MEIOB: variants seen among roughly 807,000 people sequenced by gnomAD.
MEIOB encodes the protein meiosis-specific with OB domain-containing protein.
Under a neutral mutation model 53.1 loss-of-function variants are expected in MEIOB, and 50 were observed. The observed-to-expected ratio is 0.94, with a 90% confidence interval of 0.75 to 1.19. MEIOB has a LOEUF of 1.19. Ranked by LOEUF, MEIOB falls within the 50% of genes most tolerant of loss-of-function variation. The pLI is 0.00. For missense variants in MEIOB, 551 were observed against 550.8 expected (o/e 1.00, Z 0.00); for synonymous variants, 192 against 182.5 (o/e 1.05, Z -0.42).
chr16:1,857,316 C>T (rs1393437869), intron 6 of MEIOB, among the ~76,000 whole-genome samples: 2 of 152,182 alleles, frequency 1.3e-5, no homozygotes, highest in Non-Finnish European at 2.9e-5. Context: ...ATTCCCACTC[C>T]CTCCCTGGTT....
In MEIOB at chr16:1,842,218, A is replaced by G. The variant is rs189281962; in HGVS notation, c.881-245T>C. On this transcript the variant is annotated intron_variant, in intron 10 of 13. Coordinates refer to ENST00000325962, the MANE Select transcript of MEIOB (RefSeq NM_001163560.3). The stretch of plus-strand genomic sequence containing the variant: ...CTGTTCATCAAAAGACACCATTAAA[A>G]AGTGAAAAGGCAAGCCACAGAGTGG... 2.6e-5 allele frequency among the ~76,000 whole-genome samples: 4 copies of G among 152,298 alleles called. No individual in the cohort carries two copies. In the East Asian group the frequency reaches 7.7e-4, roughly 29 times the overall value.
chr16:1,846,263 C>T (rs941283999), intron 9 of MEIOB, among the ~76,000 whole-genome samples: 1 of 152,154 alleles, frequency 6.6e-6, no homozygotes, highest in Non-Finnish European at 1.5e-5. Context: ...AGAAATCCAG[C>T]CAATGAGCTT....
At chr16:1,863,541 C>T (rs1371819062) in intron 3 of MEIOB, among the ~76,000 whole-genome samples, 1 of 151,822 alleles carries the variant, frequency 6.6e-6, no homozygotes, top group Non-Finnish European at 1.5e-5. Flanking sequence ...CGCCTGCCAC[C>T]ATGCCTGGCT....
At chr16:1,858,817 T>C (rs1008237051) in intron 5 of MEIOB, among the ~76,000 whole-genome samples, 6 of 152,226 alleles carry the variant, frequency 3.9e-5, no homozygotes, top group African/African-American at 1.4e-4. Flanking sequence ...CAGTTTCATA[T>C]GGCTCAAACT....
intron 4 of MEIOB, 98 bp downstream of exon 4, chr16:1,861,887 A>C: frequency 8.1e-7 from 1 of 1,228,264 alleles, no homozygotes. Context: ...GAGAATTACG[A>C]ACTGTGTCTC....
intron 13 of MEIOB, among the ~76,000 whole-genome samples, chr16:1,834,764 T>G (rs772705622): frequency 1.3e-5 from 2 of 150,484 alleles, no homozygotes; most frequent in Non-Finnish European, 3.0e-5. Context: ...GAAACTCCCA[T>G]TTCTACTAAA....
intron 10 of MEIOB, chr16:1,843,552 G>A (rs1246247935): frequency 1.3e-5 from 2 of 151,960 alleles, no homozygotes; most frequent in South Asian, 2.1e-4. Context: ...TAAAAAATTA[G>A]CTGGGTGTAG....
chr16:1,854,550 C>A (rs1336059112), intron 6 of MEIOB, among the ~76,000 whole-genome samples: 2 of 152,190 alleles, frequency 1.3e-5, no homozygotes, highest in African/African-American at 4.8e-5. Flanking sequence ...ACCTTTGTAT[C>A]CCCATGGCTC....
chr16:1,857,677 C>G, intron 6 of MEIOB, 58 bp downstream of exon 6: 1 of 1,370,114 alleles, frequency 7.3e-7, no homozygotes, highest in Non-Finnish European at 1.0e-6. Context: ...AAACACAGAT[C>G]AAGTGACTGC....
rs1175911238 is a variant in MEIOB at position 1,834,932 on chromosome 16, TC to T, written c.1306-567del. The stretch of plus-strand genomic sequence containing the variant: ...CTTGGGCAACTAGAGCGAAACTCTG[TC>T]CCCCCCACCCCCCCCCACTAAAAAA... On this transcript the variant is annotated intron_variant, in intron 13 of 13. Transcript: ENST00000325962. 2.2e-3 allele frequency among the ~76,000 whole-genome samples: 231 copies of T among 106,308 alleles called. 1 individual carries two copies. The highest frequency in any genetic ancestry group is 7.2e-3 in the African/African-American group (205 of 28,482). 69.7% of individuals were successfully genotyped at this position (106,308 alleles called of 152,430 possible).
Position 1,857,785 on chromosome 16 carries a change from C to A in MEIOB, c.478G>T (p.Gly160Ter), listed in dbSNP as rs1188973252. The A allele has an allele frequency of 1.3e-6, 2 of 1,551,806 alleles. No individual in the cohort carries two copies. The highest frequency in any genetic ancestry group is 1.7e-6 in the Non-Finnish European group (2 of 1,147,022). Residue 160 changes from glycine to a stop codon, truncating the protein, a stop_gained, in exon 6 of 14, where the codon GGA (glycine) becomes TGA (stop). Coordinates refer to ENST00000325962, the MANE Select transcript of MEIOB (RefSeq NM_001163560.3). LOFTEE classifies it high-confidence loss of function. ...ATAATCCTCCCATTAAGACTGTGTC[C>A]ATTTGCAACAATGTCACCCAGTGAA... is the stretch of plus-strand genomic sequence containing the variant. ...YYSLGDIVAN[G>*]HSLNGRIINV... is the part of the protein sequence containing the mutation.
In MEIOB at chr16:1,841,739, A is replaced by G. The variant is rs1459686165; in HGVS notation, c.1034+81T>C. 3.9e-5 allele frequency: 43 copies of G among 1,095,348 alleles called. No homozygotes were observed. In the South Asian group the frequency reaches 1.0e-3, roughly 26 times the overall value. The allele number at this position is 1,095,348 out of a possible 1,614,324, so 67.9% of individuals were successfully genotyped here. ...CCCTGTTACATCAACAAACAGCTTT[A>G]ACTTTTAGAGAGCTTAAAATTTATT... On this transcript the variant is annotated intron_variant, in intron 11 of 13. Coordinates refer to ENST00000325962, the MANE Select transcript of MEIOB (RefSeq NM_001163560.3).
At position 1,834,244 on chromosome 16, in the gene MEIOB, T is replaced by C; in HGVS notation, c.*12A>G. On this transcript the variant is annotated 3_prime_UTR_variant, in exon 14 of 14. Transcript: ENST00000325962. ...TCTTATACTTTTCCAGAGTTCAAAATGATAGACCGTTTTAAACATGTTTTT... is the reference window on the plus strand; with the variant it reads ...TCTTATACTTTTCCAGAGTTCAAAACGATAGACCGTTTTAAACATGTTTTT... 2 of 1,467,260 alleles carry C rather than the reference T, an allele frequency of 1.4e-6. No homozygotes were observed. Among genetic ancestry groups the C allele is most frequent in the Non-Finnish European group, 1.9e-6 (2 of 1,052,240 alleles). The allele number at this position is 1,467,260 out of a possible 1,614,324, so 90.9% of individuals were successfully genotyped here. A position where few individuals can be genotyped will look rare whatever the true frequency, so the allele number is the denominator to read the frequency against.
At chr16:1,834,943 C>A (rs911184110) in intron 13 of MEIOB, among the ~76,000 whole-genome samples, 1 of 95,664 alleles carries the variant, frequency 1.0e-5, no homozygotes, top group Admixed American at 1.1e-4. Flanking sequence ...CCCCCCCACC[C>A]CCCCCCACTA....
Position 1,834,222 on chromosome 16 carries a change from T to A in MEIOB, c.*34A>T, listed in dbSNP as rs760092071. 4 of 1,162,926 alleles carry A rather than the reference T, an allele frequency of 3.4e-6. No homozygotes were observed. In the Admixed American group the frequency reaches 5.7e-5, roughly 17 times the overall value. The allele number at this position is 1,162,926 out of a possible 1,614,324, so 72.0% of individuals were successfully genotyped here. A position where few individuals can be genotyped will look rare whatever the true frequency, so the allele number is the denominator to read the frequency against. ...CCATTTTAAAGGGAGTTAAAACTCT[T>A]ATACTTTTCCAGAGTTCAAAATGAT... On this transcript the variant is annotated 3_prime_UTR_variant, in exon 14 of 14. Transcript: ENST00000325962.
At chr16:1,837,115 G>T (rs145589789) in intron 13 of MEIOB, among the ~76,000 whole-genome samples, 3 of 151,990 alleles carry the variant, frequency 2.0e-5, no homozygotes, top group East Asian at 1.9e-4. Flanking sequence ...ACAAAGACTC[G>T]AGGATCCTCC....
At position 1,855,554 on chromosome 16, in the gene MEIOB, G is replaced by C. The variant is rs558276223; in HGVS notation, c.529-1354C>G. On this transcript the variant is annotated intron_variant, in intron 6 of 13. Transcript: ENST00000325962. ...CATGAAAGGTTCCAGACTCACTGAGGGGGTGGGAAAGCTGCCGCAGTTTCC... is the reference window on the plus strand; with the variant it reads ...CATGAAAGGTTCCAGACTCACTGAGCGGGTGGGAAAGCTGCCGCAGTTTCC... 4.6e-5 allele frequency among the ~76,000 whole-genome samples: 7 copies of C among 152,326 alleles called. No individual in the cohort carries two copies. In the South Asian group the frequency reaches 1.0e-3, roughly 23 times the overall value.
At chr16:1,835,584 G>C (rs1025990462) in intron 13 of MEIOB, among the ~76,000 whole-genome samples, 5 of 152,178 alleles carry the variant, frequency 3.3e-5, no homozygotes, top group Non-Finnish European at 5.9e-5. Flanking sequence ...CCTTTCAATG[G>C]AATGTTGTGG....
chr16:1,854,273 T>A, intron 6 of MEIOB, 73 bp from the exon 7 acceptor site: 1 of 853,428 alleles, frequency 1.2e-6, no homozygotes, highest in Non-Finnish European at 1.9e-6. Flanking sequence ...ATGAAAATAC[T>A]CAAATGTTCA....
Sources: gnomAD v4.1 joint callset for allele counts (sites outside exome capture counted in the v4.1 genomes callset) on GRCh38, gnomAD v4.1.1 for gene constraint, MANE v1.5 for transcripts, NCBI Gene and HGNC (gene_info 2026-07-23, HGNC 2026-07-21) for gene names.